The following ADAM32 variants were observed in gnomAD, a reference collection of about 807,000 sequenced individuals.
ADAM32 encodes the protein disintegrin and metalloproteinase domain-containing protein 32.
A neutral mutation model predicts 114.9 loss-of-function variants in ADAM32; 89 were observed. The observed-to-expected ratio is 0.77, with a 90% CI of 0.65 to 0.92. ADAM32 has a LOEUF of 0.92. ADAM32 is among the 40% of genes least tolerant of loss of function. ADAM32 has a pLI of 0.00. For missense variants in ADAM32, 870 were observed against 932.8 expected, an observed-to-expected ratio of 0.93 and a Z score of 0.88; for synonymous variants, 285 against 307.5, an observed-to-expected ratio of 0.93 and a Z score of 0.77.
intron 10 of ADAM32, 117 bp downstream of exon 10, chr8:39,170,114 C>T: frequency 1.4e-6 from 1 of 734,200 alleles, no homozygotes; most frequent in South Asian, 2.8e-5. Context: ...GCATTTTTTT[C>T]CATTACTGTT....
chr8:39,258,390 C>T (rs1811796580), intron 19 of ADAM32, among the ~76,000 whole-genome samples: 1 of 124,894 alleles, frequency 8.0e-6, no homozygotes, highest in South Asian at 2.2e-4. Context: ...CAAAAACCTT[C>T]TCCTTAACAT....
intron 16 of ADAM32, among the ~76,000 whole-genome samples, chr8:39,237,100 G>C (rs991023329): frequency 4.6e-5 from 7 of 152,186 alleles, no homozygotes; most frequent in Non-Finnish European, 1.5e-5. Flanking sequence ...TGAAAATCCA[G>C]ATCACAGGAG....
At chr8:39,251,038 G>A (rs1811254617) in intron 17 of ADAM32, among the ~76,000 whole-genome samples, 1 of 151,804 alleles carries the variant, frequency 6.6e-6, no homozygotes, top group South Asian at 2.1e-4. Flanking sequence ...TTTACATTGT[G>A]TATGTATCTC....
At chr8:39,159,311 A>G (rs532490813) in intron 6 of ADAM32, among the ~76,000 whole-genome samples, 16 of 152,324 alleles carry the variant, frequency 1.1e-4, no homozygotes, top group Admixed American at 2.6e-4. Flanking sequence ...AAAAAGAGAA[A>G]AGACTTCCTT....
intron 1 of ADAM32, among the ~76,000 whole-genome samples, chr8:39,117,856 C>CT (rs1480246296): frequency 1.3e-5 from 2 of 151,974 alleles, no homozygotes; most frequent in East Asian, 3.9e-4. Flanking sequence ...TTTCTATTTT[C>CT]TTCAGAACCA....
intron 10 of ADAM32, among the ~76,000 whole-genome samples, chr8:39,174,361 T>C (rs977629636): frequency 6.6e-6 from 1 of 152,224 alleles, no homozygotes; most frequent in African/African-American, 2.4e-5. Flanking sequence ...TTTTGGTTAC[T>C]GTAGCCTTGT....
chr8:39,154,033 C>CATATAAATATATATATATAT, intron 6 of ADAM32, among the ~76,000 whole-genome samples: 1 of 139,454 alleles, frequency 7.2e-6, no homozygotes, highest in Non-Finnish European at 1.5e-5. Flanking sequence ...GAAAGTTCCT[C>CATATAAATATATATATATAT]ATATATATAT....
At chr8:39,113,958 G>A (rs1840269870) in intron 1 of ADAM32, among the ~76,000 whole-genome samples, 1 of 151,652 alleles carries the variant, frequency 6.6e-6, no homozygotes, top group African/African-American at 2.4e-5. Flanking sequence ...ATTAGGAGAC[G>A]TGTTGATTTT....
chr8:39,217,727 T>G (rs1383296721), intron 12 of ADAM32, among the ~76,000 whole-genome samples: 2 of 152,166 alleles, frequency 1.3e-5, no homozygotes, highest in Non-Finnish European at 2.9e-5. Flanking sequence ...TAATTTCAAT[T>G]TACTTTTAAA....
At chr8:39,118,366 A>G (rs1468984829) in intron 2 of ADAM32, among the ~76,000 whole-genome samples, 3 of 152,074 alleles carry the variant, frequency 2.0e-5, no homozygotes, top group African/African-American at 7.2e-5. Context: ...TCATTTTCTT[A>G]TGGTAAATTA....
Position 39,284,900 on chromosome 8 carries a change from A to T in ADAM32, c.*101A>T. On this transcript the variant is annotated 3_prime_UTR_variant, in exon 25 of 25. Transcript: ENST00000379907. ...CACAGCTGAAAGAAACAATAAATTG[A>T]GTGTGGATCAATTTGCATGCCAGCG... The T allele has an allele frequency of 6.8e-7, 1 of 1,469,150 alleles. No homozygotes were observed. The highest frequency in any genetic ancestry group is 9.4e-7 in the Non-Finnish European group (1 of 1,059,616). The allele number at this position is 1,469,150 out of a possible 1,614,324, so 91.0% of individuals were successfully genotyped here.
At chr8:39,244,653 A>G (rs1445228821) in intron 16 of ADAM32, among the ~76,000 whole-genome samples, 1 of 152,132 alleles carries the variant, frequency 6.6e-6, no homozygotes, top group Non-Finnish European at 1.5e-5. Flanking sequence ...TCAACTCAAG[A>G]TGTGTCAAAG....
chr8:39,138,337 C>A (rs1342095434), intron 3 of ADAM32, among the ~76,000 whole-genome samples: 1 of 152,100 alleles, frequency 6.6e-6, no homozygotes, highest in Non-Finnish European at 1.5e-5. Flanking sequence ...CCCCACCCCC[C>A]AACAGGCCCT....
At chr8:39,114,126 C>T (rs1588459463) in intron 1 of ADAM32, among the ~76,000 whole-genome samples, 1 of 152,270 alleles carries the variant, frequency 6.6e-6, no homozygotes, top group African/African-American at 2.4e-5. Context: ...CAATTTATCC[C>T]TTGATCTATA....
chr8:39,148,305 T>C (rs1471259456), intron 4 of ADAM32, among the ~76,000 whole-genome samples: 3 of 152,180 alleles, frequency 2.0e-5, no homozygotes, highest in African/African-American at 7.2e-5. Context: ...TATGTTCTCC[T>C]TTCAAAGACT....
intron 11 of ADAM32, among the ~76,000 whole-genome samples, chr8:39,205,810 C>A (rs1231543865): frequency 2.0e-5 from 3 of 152,124 alleles, no homozygotes; most frequent in Non-Finnish European, 4.4e-5. Context: ...TTTATCTGTG[C>A]TCTGTTTTGT....
intron 19 of ADAM32, among the ~76,000 whole-genome samples, chr8:39,258,921 A>T (rs1811835965): frequency 6.6e-6 from 1 of 152,160 alleles, no homozygotes; most frequent in Non-Finnish European, 1.5e-5. Context: ...AATATCTTAA[A>T]TACAATTTTC....
intron 11 of ADAM32, among the ~76,000 whole-genome samples, chr8:39,200,887 T>C (rs1250041630): frequency 6.6e-6 from 1 of 152,218 alleles, no homozygotes; most frequent in Non-Finnish European, 1.5e-5. Flanking sequence ...GGGAATCGTT[T>C]CCCCATTTCT....
intron 6 of ADAM32, among the ~76,000 whole-genome samples, chr8:39,159,896 G>C (rs1359150890): frequency 1.3e-5 from 2 of 152,166 alleles, no homozygotes; most frequent in African/African-American, 4.8e-5. Flanking sequence ...TGTGTGAGAT[G>C]GGATGGTAGG....
Sources: allele counts gnomAD v4.1 joint callset (sites outside exome capture counted in the v4.1 genomes callset), GRCh38; gene constraint gnomAD v4.1.1; transcripts MANE v1.5; gene names NCBI Gene and HGNC (gene_info 2026-07-23, HGNC 2026-07-21).